Variants in IPP observed in about 807,000 individuals in gnomAD.
The protein encoded by IPP is intracisternal A particle-promoted polypeptide.
In IPP, 41 loss-of-function variants were observed where a neutral mutation model predicts 64.1. The observed-to-expected ratio is 0.64, with a 90% CI of 0.50 to 0.83. The LOEUF is 0.83. Among genes scored for constraint, IPP ranks in the 40% least tolerant of loss-of-function variants. IPP has a pLI of 0.00. For missense variants in IPP, 649 were observed against 703.0 expected, an observed-to-expected ratio of 0.92 and a Z score of 0.87; for synonymous variants, 214 against 235.2, an observed-to-expected ratio of 0.91 and a Z score of 0.83.
chr1:45,705,306 C>A (rs950386125), intron 8 of IPP, among the ~76,000 whole-genome samples: 3 of 152,212 alleles, frequency 2.0e-5, no homozygotes, highest in African/African-American at 7.2e-5. Flanking sequence ...GAAGAAATGG[C>A]TGATTCCAGG....
chr1:45,714,158 T>C, intron 8 of IPP, 88 bp downstream of exon 8: 5 of 954,310 alleles, frequency 5.2e-6, no homozygotes, highest in Middle Eastern at 2.7e-4. Flanking sequence ...ATGATCAATA[T>C]CATGAGTGAA....
At chr1:45,702,227 T>TTTTTATTACTTTTATTAC (rs1645464731) in intron 8 of IPP, among the ~76,000 whole-genome samples, 1 of 152,184 alleles carries the variant, frequency 6.6e-6, no homozygotes, top group Non-Finnish European at 1.5e-5. Flanking sequence ...TACAGTTTAA[T>TTTTTATTACTTTTATTAC]TTTTAAATTT....
chr1:45,719,400 A>G, intron 5 of IPP, 60 bp from the exon 6 acceptor site: 2 of 1,096,782 alleles, frequency 1.8e-6, no homozygotes, highest in South Asian at 1.6e-5. Context: ...GACTAGCACC[A>G]TAACACAATA....
In IPP at chr1:45,698,880, G is replaced by T; in HGVS notation, c.*1086C>A. On this transcript the variant is annotated 3_prime_UTR_variant, in exon 9 of 9. Transcript: ENST00000396478. ...ACCACAGGTACAAGCCACAACGCCC[G>T]GCTAATTTTTATATATTTTTTGGTA... 3.2e-6 allele frequency: 1 copy of T among 313,798 alleles called. No homozygotes were observed. Among genetic ancestry groups the T allele is most frequent in the Non-Finnish European group, 4.6e-6 (1 of 216,414 alleles). 19.4% of individuals were successfully genotyped at this position (313,798 alleles called of 1,614,324 possible).
At chr1:45,706,117 T>A (rs892363055) in intron 8 of IPP, among the ~76,000 whole-genome samples, 1 of 151,652 alleles carries the variant, frequency 6.6e-6, no homozygotes, top group African/African-American at 2.4e-5. Context: ...ATGGGAGGAG[T>A]TGTAAGCTGA....
chr1:45,718,930 A>T (rs1156317178), intron 6 of IPP, among the ~76,000 whole-genome samples: 1 of 151,658 alleles, frequency 6.6e-6, no homozygotes, highest in Non-Finnish European at 1.5e-5. Flanking sequence ...AATGAATAAG[A>T]CCTAGTATTT....
intron 1 of IPP, among the ~76,000 whole-genome samples, chr1:45,748,241 A>C (rs1646167336): frequency 6.6e-6 from 1 of 152,226 alleles, no homozygotes; most frequent in Non-Finnish European, 1.5e-5. Context: ...ATATACATGT[A>C]TCAAAATATC....
At chr1:45,741,919 C>T (rs1364040878) in intron 2 of IPP, among the ~76,000 whole-genome samples, 3 of 78,024 alleles carry the variant, frequency 3.8e-5, no homozygotes, top group African/African-American at 8.3e-5. Flanking sequence ...TGAGCCACCG[C>T]GCCCAGCCTT....
chr1:45,750,065 A>G (rs1320112525), intron 1 of IPP, among the ~76,000 whole-genome samples: 5 of 152,098 alleles, frequency 3.3e-5, no homozygotes, highest in Non-Finnish European at 4.4e-5. Flanking sequence ...AAAAAAGCAG[A>G]TTATTAGGAA....
intron 8 of IPP, among the ~76,000 whole-genome samples, chr1:45,704,292 C>G (rs1645490084): frequency 6.6e-6 from 1 of 150,478 alleles, no homozygotes; most frequent in Non-Finnish European, 1.5e-5. Flanking sequence ...GGCTGGAGTG[C>G]AGTGGCGTGA....
intron 1 of IPP, 59 bp from the exon 2 acceptor site, chr1:45,746,520 C>T: frequency 2.8e-6 from 2 of 717,886 alleles, no homozygotes; most frequent in Non-Finnish European, 4.7e-6. Flanking sequence ...GCTTTCTATT[C>T]ACACATAAGA....
chr1:45,712,612 C>A (rs540521810), intron 8 of IPP, among the ~76,000 whole-genome samples: 2 of 151,838 alleles, frequency 1.3e-5, no homozygotes, highest in Admixed American at 1.3e-4. Flanking sequence ...AATCCCAGCA[C>A]TTTGGGAGGC....
downstream of IPP, chr1:45,698,163 G>C (rs954382482): frequency 2.0e-5 from 3 of 150,090 alleles, no homozygotes; most frequent in African/African-American, 7.4e-5. Context: ...ATGGTGGTGG[G>C]CGCCTGTAAT....
At chr1:45,725,375 C>T (rs1215821198) in intron 5 of IPP, among the ~76,000 whole-genome samples, 2 of 146,138 alleles carry the variant, frequency 1.4e-5, no homozygotes, top group East Asian at 2.1e-4. Flanking sequence ...CCACCCCATC[C>T]GGGAGGTGAG....
Position 45,741,320 on chromosome 1 carries a change from A to G in IPP, c.305T>C (p.Ile102Thr), listed in dbSNP as rs141321107. 275 of 1,607,022 alleles carry G rather than the reference A, an allele frequency of 1.7e-4. 1 individual carries two copies. The highest frequency in any genetic ancestry group is 2.3e-4 in the Non-Finnish European group (268 of 1,175,214). ...LDFIYTGIVNIGVNNVQELII... is the reference protein window; with the variant it reads ...LDFIYTGIVNTGVNNVQELII... ...CAACTCCTGGACATTATTCACACCT[A>G]TGTTCACTATACCTAGAGAAGTAGG... The change falls in exon 3 of 9, where the codon ATA becomes ACA. Residue 102 changes from isoleucine to threonine, a missense_variant. Ile to Thr is a moderately conservative substitution (Grantham distance 89). Coordinates refer to ENST00000396478, the MANE Select transcript of IPP (RefSeq NM_005897.3).
chr1:45,699,737 A>C lies in IPP; in HGVS notation c.*229T>G. 1 of 1,259,410 alleles carries C rather than the reference A, an allele frequency of 7.9e-7. No individual in the cohort carries two copies. Among genetic ancestry groups the C allele is most frequent in the Non-Finnish European group, 1.0e-6 (1 of 963,142 alleles). 78.0% of individuals were successfully genotyped at this position (1,259,410 alleles called of 1,614,324 possible). ...GAGTGCAGTGGCATGATCGTAGCTT[A>C]CTACAACCTCAAATTCCTGGGCTCA... On this transcript the variant is annotated 3_prime_UTR_variant, in exon 9 of 9. Coordinates refer to ENST00000396478, the MANE Select transcript of IPP (RefSeq NM_005897.3).
rs752553879 is a variant in IPP at position 45,719,301 on chromosome 1, T to C, written c.1088A>G (p.Tyr363Cys). 11 of 1,609,690 alleles carry C rather than the reference T, an allele frequency of 6.8e-6. No homozygotes were observed. The highest frequency in any genetic ancestry group is 8.5e-6 in the Non-Finnish European group (10 of 1,177,376). ...DSMIFDCTEC[Y>C]DPVTKQWTTV... ...TGTCCACTGTTTAGTAACTGGATCA[T>C]AGCATTCAGTACAATCAAAAATCAT... The change falls in exon 6 of 9, where the codon TAT (tyrosine) becomes TGT (cysteine). Residue 363 changes from tyrosine (Y) to cysteine (C), a missense_variant. By Grantham distance (194) the Tyr-to-Cys change is radical. Coordinates refer to ENST00000396478, the MANE Select transcript of IPP (RefSeq NM_005897.3).
intron 1 of IPP, among the ~76,000 whole-genome samples, chr1:45,747,193 A>G (rs1312416841): frequency 2.0e-5 from 3 of 152,060 alleles, no homozygotes; most frequent in East Asian, 3.9e-4. Context: ...TAGCTTTAGC[A>G]CCAGTATATA....
intron 1 of IPP, among the ~76,000 whole-genome samples, chr1:45,746,788 A>AAGCACACATCACAG (rs754935880): frequency 6.6e-6 from 1 of 152,200 alleles, no homozygotes; most frequent in African/African-American, 2.4e-5. Flanking sequence ...AAAGTTAACA[A>AAGCACACATCACAG]AGCACACATC....
Sources: gnomAD v4.1 joint callset for allele counts (sites outside exome capture counted in the v4.1 genomes callset) on GRCh38, gnomAD v4.1.1 for gene constraint, MANE v1.5 for transcripts, NCBI Gene and HGNC (gene_info 2026-07-23, HGNC 2026-07-21) for gene names.